Variants in ABR observed in about 807,000 individuals in gnomAD.
ABR encodes the protein ABR activator of RhoGEF and GTPase, also known as active breakpoint cluster region-related protein.
A neutral mutation model predicts 107.2 loss-of-function variants in ABR; 35 were observed. The observed-to-expected ratio is 0.33, with a 90% CI of 0.25 to 0.43. The LOEUF (loss-of-function observed/expected upper bound fraction) is 0.43. Ranked by LOEUF, ABR falls within the 20% of genes least tolerant of loss-of-function variation. The probability of loss-of-function intolerance (pLI) is 1.00; values close to 1 mark genes in which losing one functional copy is unlikely to be tolerated. For missense variants in ABR, 815 were observed against 1,115.2 expected, an observed-to-expected ratio of 0.73 and a Z score of 3.83; for synonymous variants, 498 against 462.0, an observed-to-expected ratio of 1.08 and a Z score of -1.00.
chr17:1,011,682 T>C lies in ABR; in HGVS notation c.2101+164A>G, dbSNP rs2070561743. 2.5e-6 allele frequency: 2 copies of C among 797,712 alleles called. No homozygotes were observed. Among genetic ancestry groups the C allele is most frequent in the Non-Finnish European group, 3.6e-6 (2 of 552,706 alleles). The allele number at this position is 797,712 out of a possible 1,614,324, so 49.4% of individuals were successfully genotyped here. On this transcript the variant is annotated intron_variant, in intron 19 of 22. Coordinates refer to ENST00000302538, the MANE Select transcript of ABR (RefSeq NM_021962.5). The surrounding 1 kb of genome is among the most constrained non-coding windows in gnomAD (Gnocchi z 4.8). ...CTTACCTGCAGCAAGGGACAAGAGATTGGAGGGGAGGGGATTACAAGAGAA... is the reference window on the plus strand; with the variant it reads ...CTTACCTGCAGCAAGGGACAAGAGACTGGAGGGGAGGGGATTACAAGAGAA...
In ABR at chr17:1,024,682, A is replaced by C. The variant is rs186220844; in HGVS notation, c.1792-11518T>G. On this transcript the variant is annotated intron_variant, in intron 16 of 22. Transcript: ENST00000302538. ...ATGCCTGTAGACCCAGCTACTTGGG[A>C]GGCTGAGGTGGGAGGATTGCTTGAG... is the stretch of plus-strand genomic sequence containing the variant. 4.6e-3 allele frequency among the ~76,000 whole-genome samples: 680 copies of C among 148,226 alleles called. 6 individuals are homozygous for C. Among genetic ancestry groups the C allele is most frequent in the African/African-American group, 0.016 (649 of 39,934 alleles).
chr17:1,159,973 G>A (rs1238135106), intron 1 of ABR, among the ~76,000 whole-genome samples: 1 of 152,196 alleles, frequency 6.6e-6, no homozygotes, highest in Non-Finnish European at 1.5e-5. Flanking sequence ...GGCCTCACAC[G>A]TGACGCTGCC....
intron 5 of ABR, among the ~76,000 whole-genome samples, chr17:1,080,451 G>A (rs1021196437): frequency 9.9e-5 from 15 of 152,248 alleles, no homozygotes; most frequent in Middle Eastern, 3.4e-3. Flanking sequence ...AACTGGAGCT[G>A]TAATACCATC....
intron 2 of ABR, among the ~76,000 whole-genome samples, chr17:1,121,544 C>G (rs953403748): frequency 3.5e-5 from 3 of 84,910 alleles, no homozygotes; most frequent in Non-Finnish European, 6.8e-5. Flanking sequence ...GGAGCTGAGT[C>G]CCCCCAGGCA....
At chr17:1,103,202 C>T (rs531637016) in intron 2 of ABR, among the ~76,000 whole-genome samples, 35 of 152,202 alleles carry the variant, frequency 2.3e-4, no homozygotes, top group African/African-American at 7.9e-4. Context: ...TTCAATTCAC[C>T]GGAGTCTCAA....
chr17:1,015,644 G>A (rs1597374462), intron 16 of ABR, among the ~76,000 whole-genome samples: 1 of 151,978 alleles, frequency 6.6e-6, no homozygotes, highest in East Asian at 2.0e-4. Flanking sequence ...TTTTAGTAGA[G>A]ATGGGGTTTC....
At chr17:1,197,607 T>G (rs1056733532) in intron 1 of ABR, among the ~76,000 whole-genome samples, 7 of 151,670 alleles carry the variant, frequency 4.6e-5, no homozygotes, top group Non-Finnish European at 8.8e-5. Flanking sequence ...TTGTGAAAGA[T>G]TCTTTCCTCC....
At chr17:1,187,821 G>A (rs2042342520), upstream of ABR, among the ~76,000 whole-genome samples, 1 of 152,058 alleles carries the variant, frequency 6.6e-6, no homozygotes, top group Non-Finnish European at 1.5e-5. Flanking sequence ...TTGAACCTGG[G>A]TGGCGGAGGT....
chr17:1,021,358 G>A (rs542896015), intron 16 of ABR, among the ~76,000 whole-genome samples: 2 of 152,284 alleles, frequency 1.3e-5, no homozygotes, highest in East Asian at 1.9e-4. Flanking sequence ...CTGACCCCCC[G>A]AGGAGCCCTG....
At chr17:1,073,734 AC>A in intron 6 of ABR, 57 bp from the exon 7 acceptor site, 1 of 1,464,326 alleles carries the variant, frequency 6.8e-7, no homozygotes, top group South Asian at 1.3e-5. Context: ...GCAACCCAAC[AC>A]CCCAGAGACC....
At chr17:1,152,420 T>C (rs2040837264) in intron 1 of ABR, among the ~76,000 whole-genome samples, 1 of 148,872 alleles carries the variant, frequency 6.7e-6, no homozygotes, top group Non-Finnish European at 1.5e-5. Flanking sequence ...GGAAACCCCA[T>C]CTCTACTAAA....
At chr17:1,054,925 AGGT>A (rs1253718120) in intron 14 of ABR, among the ~76,000 whole-genome samples, 1 of 152,122 alleles carries the variant, frequency 6.6e-6, no homozygotes, top group African/African-American at 2.4e-5. Flanking sequence ...TGGGAGGGGC[AGGT>A]GGAGAGGGAG....
At position 1,074,246 on chromosome 17, in the gene ABR, C is replaced by T. The variant is rs1352523799; in HGVS notation, c.701-569G>A. Reference sequence around the variant, plus strand: ...CACACAGCTCCACCCAGCCACGCCCCGTAGAGTCCAGCACACCTGCCACAC... The same window carrying T: ...CACACAGCTCCACCCAGCCACGCCCTGTAGAGTCCAGCACACCTGCCACAC... On this transcript the variant is annotated intron_variant, in intron 6 of 22. Transcript: ENST00000302538. Among the ~76,000 whole-genome samples, 4 of 147,984 alleles carry T rather than the reference C, an allele frequency of 2.7e-5. No individual in the cohort carries two copies. In the South Asian group the frequency reaches 6.5e-4, roughly 24 times the overall value.
At chr17:1,206,657 G>T (rs2042792316) in intron 1 of ABR, among the ~76,000 whole-genome samples, 1 of 152,320 alleles carries the variant, frequency 6.6e-6, no homozygotes, top group South Asian at 2.1e-4. Context: ...AATGGCCAAG[G>T]TGGGTGGATT....
chr17:1,153,764 GGTCC>G (rs1364684373), intron 1 of ABR: 4 of 203,268 alleles, frequency 2.0e-5, no homozygotes, highest in Non-Finnish European at 3.9e-5. Flanking sequence ...GAGGGCTGGG[GGTCC>G]AGGCACACCT....
intron 20 of ABR, 160 bp from the exon 21 acceptor site, chr17:1,009,944 C>G: frequency 1.6e-6 from 1 of 635,478 alleles, no homozygotes; most frequent in Non-Finnish European, 2.8e-6. Flanking sequence ...GGTGGGCTGT[C>G]AGCAGCTGCT....
chr17:1,113,307 G>C (rs1026265681), intron 2 of ABR, among the ~76,000 whole-genome samples: 14 of 45,026 alleles, frequency 3.1e-4, no homozygotes, highest in African/African-American at 1.0e-3. Flanking sequence ...TTTTTTTTGA[G>C]ACGGAGTCTC....
intron 1 of ABR, among the ~76,000 whole-genome samples, chr17:1,131,219 T>C (rs1353023955): frequency 1.5e-5 from 1 of 66,120 alleles, no homozygotes; most frequent in Non-Finnish European, 2.8e-5. Context: ...CGCACACAGC[T>C]CCCCCCTCTT....
At chr17:1,061,438 G>A (rs2033912873) in intron 10 of ABR, among the ~76,000 whole-genome samples, 1 of 152,226 alleles carries the variant, frequency 6.6e-6, no homozygotes, top group Non-Finnish European at 1.5e-5. Flanking sequence ...TCCTGGGGCT[G>A]TAATGGTGAT....
Sources: allele counts gnomAD v4.1 joint callset (sites outside exome capture counted in the v4.1 genomes callset), GRCh38; gene constraint gnomAD v4.1.1; non-coding constraint Gnocchi (gnomAD v3.1); transcripts MANE v1.5; gene names NCBI Gene and HGNC (gene_info 2026-07-23, HGNC 2026-07-21).